The following CRIM1 variants were observed in gnomAD, a reference collection of about 807,000 sequenced individuals.
CRIM1 encodes cysteine rich transmembrane BMP regulator 1, also known as cysteine-rich motor neuron 1 protein.
In CRIM1, 32 loss-of-function variants were observed where a neutral mutation model predicts 116.4. That is an observed-to-expected ratio of 0.27 (90% CI 0.21 to 0.37). The LOEUF (loss-of-function observed/expected upper bound fraction) is 0.37. Ranked by LOEUF, CRIM1 falls within the 10% of genes least tolerant of loss-of-function variation. The pLI is 1.00. For missense variants in CRIM1, 1,331 were observed against 1,354.8 expected, an observed-to-expected ratio of 0.98 and a Z score of 0.28; for synonymous variants, 590 against 509.2, an observed-to-expected ratio of 1.16 and a Z score of -2.13.
chr2:36,517,461 C>G lies in CRIM1; in HGVS notation c.2125C>G (p.Leu709Val). ...TQCTCHSGRV[L>V]CETEVCPPLL... ...GTGCACCTGCCACAGCGGACGGGTG[C>G]TGTGTGAGACAGAGGTGTGCCCACC... The change falls in exon 12 of 17, where the codon CTG becomes GTG. Residue 709 changes from leucine to valine, a missense_variant. Physicochemically the swap from Leu to Val is conservative, Grantham distance 32. Coordinates refer to ENST00000280527, the MANE Select transcript of CRIM1 (RefSeq NM_016441.3). 6.2e-7 allele frequency: 1 copy of G among 1,614,252 alleles called. No homozygotes were observed. Among genetic ancestry groups the G allele is most frequent in the Non-Finnish European group, 8.5e-7 (1 of 1,180,040 alleles).
intron 7 of CRIM1, among the ~76,000 whole-genome samples, chr2:36,489,115 T>C (rs1166146055): frequency 2.0e-5 from 3 of 152,202 alleles, no homozygotes; most frequent in African/African-American, 7.2e-5. Flanking sequence ...TATTACATAA[T>C]CTAATGAGGT....
At chr2:36,406,485 A>C (rs1486294618) in intron 2 of CRIM1, among the ~76,000 whole-genome samples, 7 of 152,160 alleles carry the variant, frequency 4.6e-5, no homozygotes, top group Non-Finnish European at 1.0e-4. Context: ...AGGTGAGGTT[A>C]AATGTGTTTT....
intron 13 of CRIM1, among the ~76,000 whole-genome samples, chr2:36,529,982 G>A (rs1000366709): frequency 2.6e-5 from 4 of 152,162 alleles, no homozygotes; most frequent in African/African-American, 7.2e-5. Context: ...GGAGTCAGCC[G>A]ACATGACAGC....
chr2:36,513,795 A>G (rs1354486810), intron 11 of CRIM1, 30 bp downstream of exon 11: 2 of 1,597,740 alleles, frequency 1.3e-6, no homozygotes, highest in Non-Finnish European at 1.7e-6. Context: ...TGTGTGCTCC[A>G]TAAGCAAATG....
rs1039654783 is a variant in CRIM1, at chr2:36,504,447, A to G, written c.1501+5100A>G. Among the ~76,000 whole-genome samples, 23 of 152,192 alleles carry G rather than the reference A, an allele frequency of 1.5e-4. No individual in the cohort carries two copies. The East Asian group carries it at 2.1e-3, about 14-fold the overall frequency. On this transcript the variant is annotated intron_variant, in intron 8 of 16. Coordinates refer to ENST00000280527, the MANE Select transcript of CRIM1 (RefSeq NM_016441.3). ...ATTGAAATCAAAACCCTATAGAAACATGTGCTTCAAAAGTATGTGGCAAGT... is the reference window on the plus strand; with the variant it reads ...ATTGAAATCAAAACCCTATAGAAACGTGTGCTTCAAAAGTATGTGGCAAGT...
chr2:36,489,847 C>T (rs1038207270), intron 7 of CRIM1, among the ~76,000 whole-genome samples: 1 of 152,124 alleles, frequency 6.6e-6, no homozygotes, highest in Admixed American at 6.5e-5. Flanking sequence ...ATTGTTTCGA[C>T]CCACATTGGA....
At chr2:36,375,856 G>C (rs1670280421) in intron 1 of CRIM1, among the ~76,000 whole-genome samples, 1 of 152,336 alleles carries the variant, frequency 6.6e-6, no homozygotes, top group East Asian at 1.9e-4. Flanking sequence ...TGTATTTGTA[G>C]AGTTTTAGTT....
At position 36,495,471 on chromosome 2, in the gene CRIM1, ATTTATTTTTTTTTT is replaced by A. The variant is rs1283973368; in HGVS notation, c.1373-3744_1373-3731del. 2.6e-3 allele frequency among the ~76,000 whole-genome samples: 346 copies of A among 134,222 alleles called. 3 individuals are homozygous for A. Among genetic ancestry groups the A allele is most frequent in the African/African-American group, 9.1e-3 (332 of 36,334 alleles). 88.1% of individuals were successfully genotyped at this position (134,222 alleles called of 152,430 possible). ...CTCCCTCAAGCCTCTTTATTTATTTATTTATTTTTTTTTTTTTTTTTTTTTGGATGAGAAACAGT... is the reference window on the plus strand; with the variant it reads ...CTCCCTCAAGCCTCTTTATTTATTTATTTTTTTTTTTGGATGAGAAACAGT... On this transcript the variant is annotated intron_variant, in intron 7 of 16. Coordinates refer to ENST00000280527, the MANE Select transcript of CRIM1 (RefSeq NM_016441.3).
At chr2:36,424,379 C>T (rs936869195) in intron 2 of CRIM1, among the ~76,000 whole-genome samples, 1 of 152,158 alleles carries the variant, frequency 6.6e-6, no homozygotes, top group Non-Finnish European at 1.5e-5. Flanking sequence ...AGATCTCTAG[C>T]AAAGTGCCCA....
chr2:36,389,137 T>G (rs1235328468), intron 1 of CRIM1, among the ~76,000 whole-genome samples: 1 of 152,264 alleles, frequency 6.6e-6, no homozygotes, highest in African/African-American at 2.4e-5. Context: ...AATACATTTT[T>G]GTAACATGAA....
At chr2:36,499,513 G>T in intron 8 of CRIM1, 166 bp downstream of exon 8, 1 of 631,698 alleles carries the variant, frequency 1.6e-6, no homozygotes. Flanking sequence ...ATAGTCATTT[G>T]GGAGAAAGGA....
chr2:36,403,009 C>T (rs2148395781), intron 2 of CRIM1, among the ~76,000 whole-genome samples: 1 of 152,214 alleles, frequency 6.6e-6, no homozygotes, highest in East Asian at 1.9e-4. Context: ...AGAGATATCC[C>T]TGAGAAAAGT....
chr2:36,494,066 T>C (rs1172468524), intron 7 of CRIM1, among the ~76,000 whole-genome samples: 1 of 152,236 alleles, frequency 6.6e-6, no homozygotes, highest in East Asian at 1.9e-4. Context: ...GGCAAGAAAG[T>C]AGAGAGCTTA....
At position 36,548,654 on chromosome 2, in the gene CRIM1, C is replaced by T. The variant is rs745784454; in HGVS notation, c.3064C>T (p.Gln1022Ter). The T allele has an allele frequency of 6.2e-7, 1 of 1,609,338 alleles. No individual in the cohort carries two copies. The highest frequency in any genetic ancestry group is 1.1e-5 in the South Asian group (1 of 90,056). ...AAGATTCAGTGGCTTCTACAGCATG[C>T]AAAAACAGAACCATCTACAGGCAGA... ...DARFSGFYSM[Q>*]KQNHLQADNF... Residue 1022 changes from glutamine to a stop codon, truncating the protein, a stop_gained, in exon 17 of 17, where the codon CAA (glutamine) becomes TAA (stop). Transcript: ENST00000280527. LOFTEE classifies it high-confidence loss of function.
intron 1 of CRIM1, among the ~76,000 whole-genome samples, chr2:36,387,872 T>C (rs1671284715): frequency 6.6e-6 from 1 of 152,206 alleles, no homozygotes; most frequent in Admixed American, 6.5e-5. Context: ...TTTTACTTTC[T>C]CCATAGATTT....
At chr2:36,436,390 G>A (rs1267259900) in intron 2 of CRIM1, among the ~76,000 whole-genome samples, 1 of 152,156 alleles carries the variant, frequency 6.6e-6, no homozygotes, top group Non-Finnish European at 1.5e-5. Flanking sequence ...GAAAGATGGA[G>A]ACTTTTGAAA....
chr2:36,515,377 C>T (rs1664970904), intron 11 of CRIM1, among the ~76,000 whole-genome samples: 1 of 152,176 alleles, frequency 6.6e-6, no homozygotes, highest in South Asian at 2.1e-4. Context: ...GTGGGTGTGT[C>T]AACATCTGGA....
intron 7 of CRIM1, among the ~76,000 whole-genome samples, chr2:36,492,849 C>A (rs1272150595): frequency 2.6e-5 from 4 of 152,254 alleles, no homozygotes; most frequent in Non-Finnish European, 4.4e-5. Context: ...TCCAACCCCC[C>A]AATCCCTGCC....
rs113780484 is a variant in CRIM1 at position 36,500,557 on chromosome 2, C to T, written c.1501+1210C>T. On this transcript the variant is annotated intron_variant, in intron 8 of 16. Coordinates refer to ENST00000280527, the MANE Select transcript of CRIM1 (RefSeq NM_016441.3). ...GATATAAATACCCGGCCAAATATAACAAGAAATTATCCGAATCATTTTAAA... is the reference window on the plus strand; with the variant it reads ...GATATAAATACCCGGCCAAATATAATAAGAAATTATCCGAATCATTTTAAA... Among the ~76,000 whole-genome samples the T allele has an allele frequency of 2.6e-5, 4 of 152,164 alleles. No homozygotes were observed. The South Asian group carries it at 6.2e-4, about 24-fold the overall frequency.
Sources: gnomAD v4.1 joint callset for allele counts (sites outside exome capture counted in the v4.1 genomes callset) on GRCh38, gnomAD v4.1.1 for gene constraint, MANE v1.5 for transcripts, NCBI Gene and HGNC (gene_info 2026-07-23, HGNC 2026-07-21) for gene names.